TXNL1: variants seen among roughly 807,000 people sequenced by gnomAD.
The protein encoded by TXNL1 is thioredoxin-like protein 1.
A neutral mutation model predicts 35.5 loss-of-function variants in TXNL1; 14 were observed. That is an observed-to-expected ratio of 0.39 (90% CI 0.26 to 0.62). TXNL1 has a LOEUF of 0.62. TXNL1 is among the 20% of genes least tolerant of loss of function. The probability of loss-of-function intolerance (pLI) is 0.47; values close to 1 mark genes in which losing one functional copy is unlikely to be tolerated. For synonymous variants in TXNL1, 110 were observed against 115.5 expected (o/e 0.95, Z 0.31); for missense variants, 263 against 349.7 (o/e 0.75, Z 1.98).
rs897663810 is a variant in TXNL1, at chr18:56,600,751, CAA to C, written c.*2274_*2275del. The stretch of plus-strand genomic sequence containing the variant: ...TGGGGAACAACGTGGGGCTTGATGT[CAA>C]AGAGAACTCAGAAGGATTATAAAAG... On this transcript the variant is annotated 3_prime_UTR_variant, in exon 8 of 8. Coordinates refer to ENST00000217515, the MANE Select transcript of TXNL1 (RefSeq NM_004786.3). 6.6e-6 allele frequency: 1 copy of C among 152,264 alleles called. No homozygotes were observed. The highest frequency in any genetic ancestry group is 1.5e-5 in the Non-Finnish European group (1 of 68,120). The allele number at this position is 152,264 out of a possible 1,614,324, so 9.4% of individuals were successfully genotyped here. A position where few individuals can be genotyped will look rare whatever the true frequency, so the allele number is the denominator to read the frequency against.
At chr18:56,616,393 A>AT in intron 4 of TXNL1, 79 bp from the exon 5 acceptor site, 1 of 1,318,048 alleles carries the variant, frequency 7.6e-7, no homozygotes. Context: ...GAATGAAAAT[A>AT]ACAGGCAAGA....
Position 56,599,642 on chromosome 18 carries a change from C to G in TXNL1, c.*3385G>C, listed in dbSNP as rs2023785667. The G allele has an allele frequency of 6.6e-6, 1 of 151,804 alleles. No individual in the cohort carries two copies. The highest frequency in any genetic ancestry group is 1.5e-5 in the Non-Finnish European group (1 of 68,140). The allele number at this position is 151,804 out of a possible 1,614,324, so 9.4% of individuals were successfully genotyped here. On this transcript the variant is annotated 3_prime_UTR_variant, in exon 8 of 8. Transcript: ENST00000217515. ...GTCATGCGATCTTGGCTCACTGCAA[C>G]CTCCGCCTCCCGGGTTCAAGCGATT...
intron 1 of TXNL1, among the ~76,000 whole-genome samples, chr18:56,633,230 G>A (rs1473373647): frequency 1.3e-5 from 2 of 152,008 alleles, no homozygotes; most frequent in African/African-American, 2.4e-5. Flanking sequence ...GACGGATCAC[G>A]AGGTCAGGAG....
At chr18:56,622,151 C>A (rs2024199237) in intron 3 of TXNL1, among the ~76,000 whole-genome samples, 1 of 151,784 alleles carries the variant, frequency 6.6e-6, no homozygotes, top group Non-Finnish European at 1.5e-5. Flanking sequence ...TCCTCAGTTG[C>A]ACTAGTCATA....
chr18:56,604,866 T>A (rs1421423308), intron 7 of TXNL1, among the ~76,000 whole-genome samples: 1 of 152,176 alleles, frequency 6.6e-6, no homozygotes, highest in African/African-American at 2.4e-5. Flanking sequence ...ACTGCTATAT[T>A]TGTTTTCCAA....
In TXNL1 at chr18:56,602,858, T is replaced by C. The variant is rs1254793673; in HGVS notation, c.*169A>G. On this transcript the variant is annotated 3_prime_UTR_variant, in exon 8 of 8. Coordinates refer to ENST00000217515, the MANE Select transcript of TXNL1 (RefSeq NM_004786.3). Reference sequence around the variant, plus strand: ...AAAAGTGGTGACTTTTATTTACAATTGCATGTGTCAAGATTACAATGGAAA... The same window carrying C: ...AAAAGTGGTGACTTTTATTTACAATCGCATGTGTCAAGATTACAATGGAAA... The C allele has an allele frequency of 1.4e-6, 1 of 735,278 alleles. No homozygotes were observed. The highest frequency in any genetic ancestry group is 2.3e-6 in the Non-Finnish European group (1 of 440,888). The allele number at this position is 735,278 out of a possible 1,614,324, so 45.5% of individuals were successfully genotyped here. A position where few individuals can be genotyped will look rare whatever the true frequency, so the allele number is the denominator to read the frequency against.
chr18:56,630,893 CT>C (rs754654645), intron 1 of TXNL1, among the ~76,000 whole-genome samples: 149 of 142,522 alleles, frequency 1.0e-3, no homozygotes, highest in African/African-American at 1.9e-3. Flanking sequence ...TTTCTTTTTT[CT>C]TTTTTTTTTT....
At chr18:56,620,282 A>C (rs2024159846) in intron 3 of TXNL1, among the ~76,000 whole-genome samples, 1 of 152,186 alleles carries the variant, frequency 6.6e-6, no homozygotes, top group Admixed American at 6.5e-5. Flanking sequence ...GATATTATTG[A>C]ATTTTGTTTA....
chr18:56,603,116 A>C, intron 7 of TXNL1, 60 bp from the exon 8 acceptor site: 1 of 1,385,832 alleles, frequency 7.2e-7, no homozygotes, highest in Non-Finnish European at 1.0e-6. Context: ...TGAGTTATTA[A>C]AAATACTAAT....
chr18:56,603,270 G>A lies in TXNL1; in HGVS notation c.841-214C>T, dbSNP rs914973314. 2.7e-3 allele frequency among the ~76,000 whole-genome samples: 234 copies of A among 86,608 alleles called. 1 individual carries two copies. The highest frequency in any genetic ancestry group is 6.1e-3 in the African/African-American group (229 of 37,450). The allele number at this position is 86,608 out of a possible 152,430, so 56.8% of individuals were successfully genotyped here. A position where few individuals can be genotyped will look rare whatever the true frequency, so the allele number is the denominator to read the frequency against. ...AATAAAACACATGCAGGCTATTTTT[G>A]GTTTCACACAGTTTTTTTTTTTTTT... On this transcript the variant is annotated intron_variant, in intron 7 of 7. Coordinates refer to ENST00000217515, the MANE Select transcript of TXNL1 (RefSeq NM_004786.3).
chr18:56,626,365 C>T lies in TXNL1; in HGVS notation c.191G>A (p.Cys64Tyr). The T allele has an allele frequency of 1.2e-6, 2 of 1,610,096 alleles. No individual in the cohort carries two copies. Among genetic ancestry groups the T allele is most frequent in the Non-Finnish European group, 1.7e-6 (2 of 1,178,852 alleles). ...AVFLEVDVHQ[C>Y]QGTAATNNIS... ...AAAAAGATTCCTTTCCCTTACCTGA[C>T]ACTGATGTACATCGACTTCCAAGAA... The change falls in exon 2 of 8, where the codon TGT becomes TAT. Residue 64 changes from cysteine to tyrosine, a missense_variant. Transcript: ENST00000217515.
Position 56,597,884 on chromosome 18 carries a change from C to G in TXNL1, c.*5143G>C, listed in dbSNP as rs1056537840. On this transcript the variant is annotated 3_prime_UTR_variant, in exon 8 of 8. Coordinates refer to ENST00000217515, the MANE Select transcript of TXNL1 (RefSeq NM_004786.3). Reference sequence around the variant, plus strand: ...CTGAACGTTCTGCTTCTCCTAAGAGCTACTTCTATATTCAATTGTAAAAGT... The same window carrying G: ...CTGAACGTTCTGCTTCTCCTAAGAGGTACTTCTATATTCAATTGTAAAAGT... The G allele has an allele frequency of 3.4e-4, 51 of 152,238 alleles. No individual in the cohort carries two copies. The highest frequency in any genetic ancestry group is 1.2e-3 in the African/African-American group (49 of 41,454). 9.4% of individuals were successfully genotyped at this position (152,238 alleles called of 1,614,324 possible). A position where few individuals can be genotyped will look rare whatever the true frequency, so the allele number is the denominator to read the frequency against.
chr18:56,615,452 T>A (rs2024069710), intron 5 of TXNL1, among the ~76,000 whole-genome samples: 1 of 117,628 alleles, frequency 8.5e-6, no homozygotes, highest in Non-Finnish European at 1.8e-5. Context: ...AGAAAAAGCT[T>A]AACAGAAAAA....
Position 56,602,385 on chromosome 18 carries a change from A to T in TXNL1, c.*642T>A, listed in dbSNP as rs1317963919. Reference sequence around the variant, plus strand: ...GATTTCCACATTCTTCTATTAGTTAAAAAAAAAAAAAAAAAAAAAAAGGCT... The same window carrying T: ...GATTTCCACATTCTTCTATTAGTTATAAAAAAAAAAAAAAAAAAAAAGGCT... On this transcript the variant is annotated 3_prime_UTR_variant, in exon 8 of 8. Coordinates refer to ENST00000217515, the MANE Select transcript of TXNL1 (RefSeq NM_004786.3). The T allele has an allele frequency of 6.7e-4, 3 of 4,504 alleles. No homozygotes were observed. Among genetic ancestry groups the T allele is most frequent in the Admixed American group, 0.034 (2 of 58 alleles). The allele number at this position is 4,504 out of a possible 1,614,324, so 0.3% of individuals were successfully genotyped here.
intron 1 of TXNL1, among the ~76,000 whole-genome samples, chr18:56,629,217 G>A (rs966502543): frequency 2.6e-5 from 4 of 152,156 alleles, no homozygotes; most frequent in African/African-American, 9.7e-5. Context: ...GGCAATTAAT[G>A]GAAAACTAGT....
At chr18:56,609,407 G>C (rs572317305) in intron 7 of TXNL1, 2 of 152,274 alleles carry the variant, frequency 1.3e-5, no homozygotes, top group South Asian at 4.1e-4. Flanking sequence ...TTAAACACGA[G>C]GTGGAGGCAG....
At chr18:56,630,442 G>A (rs917621729) in intron 1 of TXNL1, among the ~76,000 whole-genome samples, 7 of 152,150 alleles carry the variant, frequency 4.6e-5, no homozygotes, top group South Asian at 2.1e-4. Flanking sequence ...GGGAACAAAC[G>A]CTAGGTGTAG....
chr18:56,626,583 T>C, intron 1 of TXNL1, 126 bp from the exon 2 acceptor site: 1 of 919,892 alleles, frequency 1.1e-6, no homozygotes, highest in Non-Finnish European at 1.6e-6. Context: ...TTTTTTGTTT[T>C]GTTTTGTTTT....
chr18:56,630,934 G>A (rs1416698378), intron 1 of TXNL1, among the ~76,000 whole-genome samples: 1 of 151,250 alleles, frequency 6.6e-6, no homozygotes, highest in Admixed American at 6.6e-5. Context: ...CAGGTTGAGT[G>A]CAGTGGCATA....
Sources: allele counts gnomAD v4.1 joint callset (sites outside exome capture counted in the v4.1 genomes callset), GRCh38; gene constraint gnomAD v4.1.1; transcripts MANE v1.5; gene names NCBI Gene and HGNC (gene_info 2026-07-23, HGNC 2026-07-21).